The following KCNQ5 variants were observed in gnomAD, a reference collection of about 807,000 sequenced individuals.
KCNQ5 encodes potassium voltage-gated channel subfamily KQT member 5.
In KCNQ5, 30 loss-of-function variants were observed where a neutral mutation model predicts 98.2. That is an observed-to-expected ratio of 0.31 (90% CI 0.23 to 0.41). The LOEUF (loss-of-function observed/expected upper bound fraction) is 0.41. Among genes scored for constraint, KCNQ5 ranks in the 10% least tolerant of loss-of-function variants. The probability of loss-of-function intolerance (pLI) is 1.00; values close to 1 mark genes in which losing one functional copy is unlikely to be tolerated. For missense variants in KCNQ5, 835 were observed against 1,182.5 expected (o/e 0.71, Z 4.31); for synonymous variants, 458 against 449.4 (o/e 1.02, Z -0.24).
intron 11 of KCNQ5, among the ~76,000 whole-genome samples, chr6:73,185,964 C>A (rs1778555831): frequency 6.6e-6 from 1 of 152,188 alleles, no homozygotes; most frequent in African/African-American, 2.4e-5. Context: ...GTGGTTCATG[C>A]CTGTAATCCC....
At chr6:73,034,407 T>G (rs925093191) in intron 2 of KCNQ5, among the ~76,000 whole-genome samples, 2 of 152,216 alleles carry the variant, frequency 1.3e-5, no homozygotes, top group Admixed American at 6.5e-5. Flanking sequence ...GCTGCAAATG[T>G]CACAGGGTTT....
chr6:72,654,023 A>G (rs1198001420), intron 1 of KCNQ5, among the ~76,000 whole-genome samples: 1 of 152,110 alleles, frequency 6.6e-6, no homozygotes, highest in African/African-American at 2.4e-5. Context: ...TAAGCACATA[A>G]TGAATACTTG....
intron 2 of KCNQ5, among the ~76,000 whole-genome samples, chr6:73,032,177 C>T (rs141099378): frequency 1.3e-4 from 20 of 152,176 alleles, no homozygotes; most frequent in African/African-American, 4.8e-4. Context: ...AATAGAAATA[C>T]TTGTTTGTTT....
chr6:72,901,601 G>C (rs1263075982), intron 1 of KCNQ5, among the ~76,000 whole-genome samples: 1 of 152,142 alleles, frequency 6.6e-6, no homozygotes, highest in South Asian at 2.1e-4. Context: ...TTGTTGAATA[G>C]GGTGTCCTTT....
intron 1 of KCNQ5, among the ~76,000 whole-genome samples, chr6:72,684,151 C>T (rs1202995519): frequency 6.6e-6 from 1 of 152,220 alleles, no homozygotes; most frequent in Non-Finnish European, 1.5e-5. Flanking sequence ...ACATGATTCT[C>T]TTAGCCTTCC....
intron 1 of KCNQ5, among the ~76,000 whole-genome samples, chr6:72,988,504 G>C (rs944626175): frequency 1.6e-4 from 25 of 152,098 alleles, no homozygotes; most frequent in Non-Finnish European, 2.5e-4. Context: ...CAGACTACTA[G>C]AGGGGAGGGG....
At chr6:72,623,704 T>C (rs922364187) in intron 1 of KCNQ5, among the ~76,000 whole-genome samples, 3 of 152,170 alleles carry the variant, frequency 2.0e-5, no homozygotes, top group Non-Finnish European at 2.9e-5. Context: ...TTCTTTTTTG[T>C]TAAGATGAAA....
intron 1 of KCNQ5, among the ~76,000 whole-genome samples, chr6:72,845,645 T>C (rs1776988912): frequency 6.6e-6 from 1 of 152,190 alleles, no homozygotes; most frequent in Non-Finnish European, 1.5e-5. Flanking sequence ...AACAAAGTCA[T>C]GTTACGGTCA....
intron 1 of KCNQ5, among the ~76,000 whole-genome samples, chr6:72,780,008 G>A (rs1372871828): frequency 6.6e-6 from 1 of 152,048 alleles, no homozygotes; most frequent in Admixed American, 6.6e-5. Context: ...CCATGAGTGG[G>A]AGATTCTTAA....
chr6:73,032,563 C>A (rs1036946830), intron 2 of KCNQ5, among the ~76,000 whole-genome samples: 3 of 152,192 alleles, frequency 2.0e-5, no homozygotes, highest in Non-Finnish European at 2.9e-5. Flanking sequence ...TGATTTCATT[C>A]ATTTTGGAGA....
rs533399946 is a variant in KCNQ5, at chr6:73,032,947, G to A, written c.490-8989G>A. 1.0e-3 allele frequency among the ~76,000 whole-genome samples: 153 copies of A among 152,234 alleles called. 1 individual carries two copies. Among genetic ancestry groups the A allele is most frequent in the African/African-American group, 3.5e-3 (145 of 41,548 alleles). ...GAAAGCCTAAGACATCCTGTGCCCT[G>A]ATGCAGATGTGACTTACAGAACATA... On this transcript the variant is annotated intron_variant, in intron 2 of 13. Coordinates refer to ENST00000370398, the MANE Select transcript of KCNQ5 (RefSeq NM_019842.4).
intron 5 of KCNQ5, among the ~76,000 whole-genome samples, chr6:73,079,971 C>T (rs965194068): frequency 3.3e-5 from 5 of 152,208 alleles, no homozygotes; most frequent in South Asian, 2.1e-4. Flanking sequence ...TACTGAGGCA[C>T]CCAGGTGCCC....
At chr6:72,662,843 A>G (rs532866571) in intron 1 of KCNQ5, among the ~76,000 whole-genome samples, 51 of 152,338 alleles carry the variant, frequency 3.3e-4, no homozygotes, top group Non-Finnish European at 4.7e-4. Flanking sequence ...ATAATGATCT[A>G]GAATAATTGC....
intron 1 of KCNQ5, among the ~76,000 whole-genome samples, chr6:72,896,756 C>T (rs980794777): frequency 1.1e-4 from 17 of 152,020 alleles, no homozygotes; most frequent in Admixed American, 6.6e-5. Context: ...GAAAAAGTGC[C>T]GCTCCTAGAA....
intron 1 of KCNQ5, among the ~76,000 whole-genome samples, chr6:72,642,237 T>C (rs1171693167): frequency 6.6e-6 from 1 of 151,584 alleles, no homozygotes; most frequent in South Asian, 2.1e-4. Flanking sequence ...AACACACATA[T>C]CCTTTGCCCA....
At chr6:72,774,845 G>A (rs9446752) in intron 1 of KCNQ5, among the ~76,000 whole-genome samples, 1 of 152,036 alleles carries the variant, frequency 6.6e-6, no homozygotes, top group South Asian at 2.1e-4. Flanking sequence ...CAAGGATGCA[G>A]AACAAATGGG....
At chr6:72,828,654 G>A (rs1488723956) in intron 1 of KCNQ5, among the ~76,000 whole-genome samples, 5 of 151,826 alleles carry the variant, frequency 3.3e-5, no homozygotes, top group African/African-American at 4.8e-5. Context: ...ATAAGGTCAC[G>A]TCACCTACAG....
intron 1 of KCNQ5, among the ~76,000 whole-genome samples, chr6:72,698,230 T>G (rs1768602788): frequency 6.6e-6 from 1 of 152,182 alleles, no homozygotes; most frequent in Admixed American, 6.5e-5. Context: ...GAGACAGAGT[T>G]TCACTCTTGT....
chr6:72,890,230 C>T (rs1166449694), intron 1 of KCNQ5, among the ~76,000 whole-genome samples: 1 of 141,542 alleles, frequency 7.1e-6, no homozygotes, highest in East Asian at 2.0e-4. Context: ...GCATACTAAG[C>T]ATATTCATCA....
Sources: allele counts gnomAD v4.1 joint callset (sites outside exome capture counted in the v4.1 genomes callset), GRCh38; gene constraint gnomAD v4.1.1; transcripts MANE v1.5; gene names NCBI Gene and HGNC (gene_info 2026-07-23, HGNC 2026-07-21).